Variants in AIG1 observed in about 807,000 individuals in gnomAD.
The protein encoded by AIG1 is androgen-induced gene 1 protein.
In AIG1, 23 loss-of-function variants were observed where a neutral mutation model predicts 31.4. That is an observed-to-expected ratio of 0.73 (90% CI 0.53 to 1.04). The LOEUF (loss-of-function observed/expected upper bound fraction) is 1.04, where lower values mean the gene tolerates loss of function less well. AIG1 is among the 50% of genes least tolerant of loss of function. The probability of loss-of-function intolerance (pLI) is 0.00; values close to 1 mark genes in which losing one functional copy is unlikely to be tolerated. For missense variants in AIG1, 274 were observed against 295.0 expected, an observed-to-expected ratio of 0.93 and a Z score of 0.52; for synonymous variants, 100 against 110.5, an observed-to-expected ratio of 0.90 and a Z score of 0.60.
chr6:143,192,866 G>C (rs569530854), intron 3 of AIG1, among the ~76,000 whole-genome samples: 1 of 152,330 alleles, frequency 6.6e-6, no homozygotes, highest in South Asian at 2.1e-4. Context: ...ATGACACACA[G>C]AGGGTGGATC....
intron 1 of AIG1, among the ~76,000 whole-genome samples, chr6:143,132,992 C>A (rs866989632): frequency 2.0e-5 from 3 of 151,900 alleles, no homozygotes; most frequent in African/African-American, 7.2e-5. Context: ...TTATTTAATG[C>A]ACTTGTCTAC....
rs1444297898 is a variant in AIG1, at chr6:143,291,307, G to T, written c.515+7082G>T. On this transcript the variant is annotated intron_variant, in intron 4 of 5. Coordinates refer to ENST00000357847, the MANE Select transcript of AIG1 (RefSeq NM_016108.4). This position sits in a 1 kb window ranked among gnomAD's most constrained non-coding sequence, Gnocchi z 4.2. ...ATGGTGGCCCACCCAAGAAAGAATGGCTCCTGGGCAAGAGTTTTCCAGCAG... is the reference window on the plus strand; with the variant it reads ...ATGGTGGCCCACCCAAGAAAGAATGTCTCCTGGGCAAGAGTTTTCCAGCAG... Among the ~76,000 whole-genome samples, 1 of 152,156 alleles carries T rather than the reference G, an allele frequency of 6.6e-6. No homozygotes were observed. Among genetic ancestry groups the T allele is most frequent in the Non-Finnish European group, 1.5e-5 (1 of 68,026 alleles).
chr6:143,260,017 CTTTT>C (rs35620148), intron 3 of AIG1, among the ~76,000 whole-genome samples: 1 of 85,118 alleles, frequency 1.2e-5, no homozygotes, highest in East Asian at 4.8e-4. Context: ...TCTTGTGCTT[CTTTT>C]TTTTTTTTTT....
At chr6:143,281,054 T>A (rs1219675556) in intron 3 of AIG1, among the ~76,000 whole-genome samples, 1 of 152,240 alleles carries the variant, frequency 6.6e-6, no homozygotes, top group African/African-American at 2.4e-5. Context: ...ATAATGTAAG[T>A]GATCTGCAAT....
At chr6:143,227,323 G>C (rs529763164) in intron 3 of AIG1, among the ~76,000 whole-genome samples, 28 of 152,180 alleles carry the variant, frequency 1.8e-4, no homozygotes, top group African/African-American at 6.8e-4. Flanking sequence ...GCAGGGTCCT[G>C]TGTGGAGTAT....
intron 5 of AIG1, chr6:143,337,847 C>G (rs926423896): frequency 3.2e-4 from 127 of 396,944 alleles, no homozygotes; most frequent in South Asian, 4.1e-4. Flanking sequence ...AGTCTTGTCC[C>G]CTCTGGTCCC....
At position 143,331,744 on chromosome 6, in the gene AIG1, G is replaced by T. The variant is rs560154684; in HGVS notation, c.516-1538G>T. Reference sequence around the variant, plus strand: ...ACCACCAACCCCAGAATGAATTTTCGCCTGCAAGAAGAGGGGGGATCTCAC... The same window carrying T: ...ACCACCAACCCCAGAATGAATTTTCTCCTGCAAGAAGAGGGGGGATCTCAC... On this transcript the variant is annotated intron_variant, in intron 4 of 5. Coordinates refer to ENST00000357847, the MANE Select transcript of AIG1 (RefSeq NM_016108.4). The surrounding 1 kb of genome is among the most constrained non-coding windows in gnomAD (Gnocchi z 4.1). Among the ~76,000 whole-genome samples the T allele has an allele frequency of 2.2e-4, 33 of 151,790 alleles. No homozygotes were observed. The South Asian group carries it at 6.7e-3, about 31-fold the overall frequency.
chr6:143,210,085 C>G lies in AIG1; in HGVS notation c.399+44902C>G, dbSNP rs148997272. 9.4e-3 allele frequency among the ~76,000 whole-genome samples: 1,425 copies of G among 152,280 alleles called. 22 individuals carry two copies. The highest frequency in any genetic ancestry group is 0.032 in the African/African-American group (1,335 of 41,548). ...TAATTTAATCATGGGGGCAGTTACC[C>G]TCATGCTGTTCTTGTGATAGTGAGT... On this transcript the variant is annotated intron_variant, in intron 3 of 5. Coordinates refer to ENST00000357847, the MANE Select transcript of AIG1 (RefSeq NM_016108.4).
rs1797819884 is a variant in AIG1, at chr6:143,288,139, C to T, written c.515+3914C>T. On this transcript the variant is annotated intron_variant, in intron 4 of 5. Transcript: ENST00000357847. This position sits in a 1 kb window ranked among gnomAD's most constrained non-coding sequence, Gnocchi z 4.4. ...GGCTGAATCTTTTCCCGGGCTGGCT[C>T]CACCCTCACTTCCAAGCACCTGGAA... 6.6e-6 allele frequency among the ~76,000 whole-genome samples: 1 copy of T among 152,076 alleles called. No homozygotes were observed. The highest frequency in any genetic ancestry group is 6.6e-5 in the Admixed American group (1 of 15,262).
At chr6:143,061,205 C>G in intron 1 of AIG1, 139 bp downstream of exon 1, 1 of 1,060,698 alleles carries the variant, frequency 9.4e-7, no homozygotes, top group East Asian at 2.6e-5. Flanking sequence ...GTCCTCGCCT[C>G]TTCCCCAGTG....
chr6:143,275,721 G>A (rs546772964), intron 3 of AIG1, among the ~76,000 whole-genome samples: 1 of 152,224 alleles, frequency 6.6e-6, no homozygotes, highest in African/African-American at 2.4e-5. Context: ...ACATAACCAA[G>A]CAGAGCAAAT....
At chr6:143,152,043 A>G (rs888962802) in intron 2 of AIG1, among the ~76,000 whole-genome samples, 4 of 152,094 alleles carry the variant, frequency 2.6e-5, no homozygotes, top group African/African-American at 7.2e-5. Flanking sequence ...CTGTTAACAT[A>G]TCTTTCTTGG....
chr6:143,305,156 G>A (rs1162724757), intron 4 of AIG1, among the ~76,000 whole-genome samples: 2 of 151,960 alleles, frequency 1.3e-5, no homozygotes, highest in Non-Finnish European at 2.9e-5. Context: ...TATCAATTTT[G>A]TTGATCCTTT....
rs1329701836 is a variant in AIG1, at chr6:143,298,942, A to G, written c.515+14717A>G. The G allele has an allele frequency of 6.6e-6, 1 of 152,172 alleles. No homozygotes were observed. Among genetic ancestry groups the G allele is most frequent in the Non-Finnish European group, 1.5e-5 (1 of 68,038 alleles). The allele number at this position is 152,172 out of a possible 1,614,324, so 9.4% of individuals were successfully genotyped here. The stretch of plus-strand genomic sequence containing the variant: ...CATCTGTCTGTGTTCTAAAGCCAGT[A>G]ATAGCAGGACACATGGTAGTACTAC... On this transcript the variant is annotated intron_variant, in intron 4 of 5. Coordinates refer to ENST00000357847, the MANE Select transcript of AIG1 (RefSeq NM_016108.4). The surrounding 1 kb of genome is among the most constrained non-coding windows in gnomAD (Gnocchi z 5.1).
chr6:143,343,200 A>G, downstream of AIG1: 1 of 700,682 alleles, frequency 1.4e-6, no homozygotes, highest in Non-Finnish European at 2.7e-6. Flanking sequence ...CGCCACGGAT[A>G]TGGCAGGAAT....
chr6:143,244,711 T>C (rs1794486885), intron 3 of AIG1, among the ~76,000 whole-genome samples: 1 of 152,236 alleles, frequency 6.6e-6, no homozygotes, highest in Non-Finnish European at 1.5e-5. Flanking sequence ...AAAGAGGTGC[T>C]GTCTGTGCAG....
intron 3 of AIG1, among the ~76,000 whole-genome samples, chr6:143,211,461 C>CA (rs1248913287): frequency 1.3e-5 from 2 of 152,174 alleles, no homozygotes; most frequent in African/African-American, 4.8e-5. Context: ...AGAGCCCCAC[C>CA]ACATTGCAAA....
intron 1 of AIG1, among the ~76,000 whole-genome samples, chr6:143,062,591 A>T (rs1583033920): frequency 6.6e-6 from 1 of 152,094 alleles, no homozygotes; most frequent in Admixed American, 6.5e-5. Flanking sequence ...GTCAATGAGG[A>T]TTGGCTTTGC....
intron 3 of AIG1, among the ~76,000 whole-genome samples, chr6:143,218,713 G>A (rs777562377): frequency 6.6e-6 from 1 of 152,108 alleles, no homozygotes; most frequent in African/African-American, 2.4e-5. Context: ...CACAAAGGAA[G>A]CCCTTGGCAA....
Sources: allele counts gnomAD v4.1 joint callset (sites outside exome capture counted in the v4.1 genomes callset), GRCh38; gene constraint gnomAD v4.1.1; non-coding constraint Gnocchi (gnomAD v3.1); transcripts MANE v1.5; gene names NCBI Gene and HGNC (gene_info 2026-07-23, HGNC 2026-07-21).